EIF4E2: variants seen among roughly 807,000 people sequenced by gnomAD.
EIF4E2 encodes eukaryotic translation initiation factor 4E type 2.
A neutral mutation model predicts 34.2 loss-of-function variants in EIF4E2; 13 were observed. The ratio of observed to expected loss-of-function variants is 0.38; its 90% CI spans 0.25 to 0.60. EIF4E2 has a LOEUF of 0.60. Ranked by LOEUF, EIF4E2 falls within the 20% of genes least tolerant of loss-of-function variation. The pLI is 0.62. For missense variants in EIF4E2, 222 were observed against 315.1 expected (o/e 0.70, Z 2.24); for synonymous variants, 100 against 106.6 (o/e 0.94, Z 0.38).
intron 1 of EIF4E2, 57 bp downstream of exon 1, chr2:232,550,801 G>T: frequency 2.7e-6 from 4 of 1,482,514 alleles, no homozygotes; most frequent in Non-Finnish European, 3.6e-6. Context: ...CCCCGCGCCC[G>T]CCCCCGCTGG....
intron 6 of EIF4E2, chr2:232,567,998 C>A: frequency 1.0e-6 from 1 of 974,950 alleles, no homozygotes; most frequent in Non-Finnish European, 1.2e-6. Flanking sequence ...GTGCCTTTGA[C>A]AAGTGTCTTT....
exon 7 of EIF4E2, chr2:232,582,836 A>T (rs192686956): frequency 6.6e-6 from 1 of 152,008 alleles, no homozygotes; most frequent in African/African-American, 2.4e-5. Flanking sequence ...AGAGTTTTGA[A>T]TCTTACGTTT....
At chr2:232,578,457 C>T (rs1036720990) in intron 6 of EIF4E2, among the ~76,000 whole-genome samples, 2 of 152,026 alleles carry the variant, frequency 1.3e-5, no homozygotes, top group Admixed American at 6.6e-5. Flanking sequence ...ATGGTGAAAC[C>T]CTGTCTCTAC....
At chr2:232,570,407 C>A (rs1693063987), downstream of EIF4E2, among the ~76,000 whole-genome samples, 1 of 152,168 alleles carries the variant, frequency 6.6e-6, no homozygotes, top group Non-Finnish European at 1.5e-5. Flanking sequence ...TTCCCTCTTG[C>A]CTTCAAAAAT....
At chr2:232,556,338 C>T (rs929338471) in intron 1 of EIF4E2, 78 bp from the exon 2 acceptor site, 16 of 1,173,148 alleles carry the variant, frequency 1.4e-5, no homozygotes, top group African/African-American at 6.0e-5. Context: ...CATAGTAGTT[C>T]GTATGACCTG....
At chr2:232,579,251 A>G (rs1425520038) in intron 6 of EIF4E2, among the ~76,000 whole-genome samples, 1 of 152,086 alleles carries the variant, frequency 6.6e-6, no homozygotes, top group East Asian at 1.9e-4. Context: ...AGAGGGGTCT[A>G]TCCTTTTGAA....
At chr2:232,578,407 C>T (rs575056142) in intron 6 of EIF4E2, among the ~76,000 whole-genome samples, 3 of 152,162 alleles carry the variant, frequency 2.0e-5, no homozygotes, top group African/African-American at 4.8e-5. Flanking sequence ...CTGAGGTGGG[C>T]GGATCATGAG....
intron 6 of EIF4E2, 54 bp downstream of exon 6, chr2:232,567,268 T>A (rs765384219): frequency 8.7e-6 from 14 of 1,607,982 alleles, no homozygotes; most frequent in Admixed American, 1.7e-5. Context: ...TATAAGTAGA[T>A]CTGTAGTTGG....
intron 6 of EIF4E2, chr2:232,567,987 T>A (rs752458119): frequency 3.5e-5 from 34 of 972,952 alleles, no homozygotes; most frequent in Admixed American, 2.5e-4. Flanking sequence ...CATACCAATA[T>A]GTGCCTTTGA....
chr2:232,558,917 A>G (rs1028442198), intron 3 of EIF4E2: 3 of 152,080 alleles, frequency 2.0e-5, no homozygotes, highest in Non-Finnish European at 4.4e-5. Context: ...TGGTTTGTGT[A>G]CCCCAAGAAT....
rs1693355963 is a variant in EIF4E2 at position 232,581,316 on chromosome 2, A to G, written c.*373A>G. ...TGTACATGCCAGAGCTGTTGATGAG[A>G]GTTACCAGTATTATGAATGTCTGTG... On this transcript the variant is annotated 3_prime_UTR_variant, in exon 7 of 7. Coordinates refer to the EIF4E2 transcript ENST00000409098. This position sits in a 1 kb window ranked among gnomAD's most constrained non-coding sequence, Gnocchi z 5.2. 2 of 378,300 alleles carry G rather than the reference A, an allele frequency of 5.3e-6. No individual in the cohort carries two copies. The highest frequency in any genetic ancestry group is 2.1e-5 in the African/African-American group (1 of 47,658). The allele number at this position is 378,300 out of a possible 1,614,324, so 23.4% of individuals were successfully genotyped here. A position where few individuals can be genotyped will look rare whatever the true frequency, so the allele number is the denominator to read the frequency against.
downstream of EIF4E2, among the ~76,000 whole-genome samples, chr2:232,570,929 C>T (rs1015741795): frequency 1.3e-5 from 2 of 152,164 alleles, no homozygotes; most frequent in Non-Finnish European, 2.9e-5. Flanking sequence ...AAGAGCAAAA[C>T]TCCATCTCAA....
intron 3 of EIF4E2, among the ~76,000 whole-genome samples, chr2:232,563,737 A>AC (rs1441848924): frequency 2.6e-5 from 4 of 152,250 alleles, no homozygotes; most frequent in African/African-American, 9.6e-5. Flanking sequence ...ACTTATGCTT[A>AC]CTAACTAAAC....
At chr2:232,582,087 G>GA (rs893066508) in exon 7 of EIF4E2, 12 of 152,628 alleles carry the variant, frequency 7.9e-5, no homozygotes, top group African/African-American at 2.7e-4. Flanking sequence ...ACTCATCAGA[G>GA]AAGCTGGGTG....
At position 232,574,549 on chromosome 2, in the gene EIF4E2, T is replaced by A. The variant is rs116607571; in HGVS notation, c.666-6355T>A. On this transcript the variant is annotated intron_variant, in intron 6 of 6. Coordinates refer to the EIF4E2 transcript ENST00000409098. ...CTACGTCACCTTATTATGCCCCTAT[T>A]TTCTCATCTGGAAAATGAGGCTCCA... Among the ~76,000 whole-genome samples the A allele has an allele frequency of 2.4e-3, 369 of 152,318 alleles. 3 individuals are homozygous for A. Among genetic ancestry groups the A allele is most frequent in the African/African-American group, 8.6e-3 (356 of 41,570 alleles).
At chr2:232,556,577 T>C (rs776499574) in intron 2 of EIF4E2, 47 bp downstream of exon 2, 3 of 1,325,898 alleles carry the variant, frequency 2.3e-6, no homozygotes, top group Non-Finnish European at 3.2e-6. Context: ...CTTGAGACTT[T>C]TATTATCTTG....
At chr2:232,557,603 G>T in intron 2 of EIF4E2, 1 of 334,100 alleles carries the variant, frequency 3.0e-6, no homozygotes, top group African/African-American at 2.1e-5. Flanking sequence ...TGCTTGGACT[G>T]GGCATATGCT....
rs770904202 is a variant in EIF4E2 at position 232,557,901 on chromosome 2, G to A, written c.153G>A (p.Pro51=). The A allele has an allele frequency of 5.0e-6, 8 of 1,613,384 alleles. No individual in the cohort carries two copies. In the African/African-American group the frequency reaches 8.0e-5, roughly 16 times the overall value. Residue 51 remains proline, a synonymous_variant, in exon 3 of 7, where the codon CCG becomes CCA. Transcript: ENST00000258416. ...CTTCCCAGGCTGTTGTCCCTGGACC[G>A]GCAGAGCATCCCCTGCAGTACAACT... ...SSKRKAVVPG[P]AEHPLQYNYT... is the part of the protein sequence containing the mutation.
chr2:232,580,259 G>A (rs1693318607), intron 6 of EIF4E2, among the ~76,000 whole-genome samples: 1 of 152,114 alleles, frequency 6.6e-6, no homozygotes. Context: ...TGGTTGGTTG[G>A]TTTGTTGGTT....
Sources: allele counts gnomAD v4.1 joint callset (sites outside exome capture counted in the v4.1 genomes callset), GRCh38; gene constraint gnomAD v4.1.1; non-coding constraint Gnocchi (gnomAD v3.1); transcripts MANE v1.5; gene names NCBI Gene and HGNC (gene_info 2026-07-23, HGNC 2026-07-21).